The following ZSWIM5 variants were observed in gnomAD, a reference collection of about 807,000 sequenced individuals.
ZSWIM5 encodes zinc finger SWIM-type containing 5.
Under a neutral mutation model 119.6 loss-of-function variants are expected in ZSWIM5, and 55 were observed. The observed-to-expected ratio is 0.46, with a 90% CI of 0.37 to 0.58. The LOEUF is 0.58. ZSWIM5 is among the 20% of genes least tolerant of loss of function. The probability of loss-of-function intolerance (pLI) is 0.00; values close to 1 mark genes in which losing one functional copy is unlikely to be tolerated. For synonymous variants in ZSWIM5, 537 were observed against 606.9 expected (o/e 0.88, Z 1.69); for missense variants, 1,193 against 1,512.8 (o/e 0.79, Z 3.51).
chr1:45,110,879 C>G (rs1179956576), intron 1 of ZSWIM5, among the ~76,000 whole-genome samples: 1 of 152,038 alleles, frequency 6.6e-6, no homozygotes, highest in African/African-American at 2.4e-5. Flanking sequence ...CTTTTAAGCT[C>G]AGGATGAATG....
At chr1:45,051,287 T>C in intron 4 of ZSWIM5, 34 bp from the exon 5 acceptor site, 2 of 1,589,462 alleles carry the variant, frequency 1.3e-6, no homozygotes, top group Non-Finnish European at 1.7e-6. Context: ...TCTTAACATC[T>C]CTCCTTTGAT....
chr1:45,076,241 C>A (rs372155610), intron 2 of ZSWIM5, among the ~76,000 whole-genome samples: 2 of 152,184 alleles, frequency 1.3e-5, no homozygotes, highest in East Asian at 1.9e-4. Context: ...TCTTATTGTT[C>A]ATTAACATCC....
At chr1:45,143,792 T>C (rs976957997) in intron 1 of ZSWIM5, among the ~76,000 whole-genome samples, 20 of 152,208 alleles carry the variant, frequency 1.3e-4, no homozygotes, top group African/African-American at 4.6e-4. Flanking sequence ...AAAAGTGCAG[T>C]TAGCAAGGAC....
At chr1:45,119,155 C>G (rs1254046687) in intron 1 of ZSWIM5, among the ~76,000 whole-genome samples, 2 of 152,158 alleles carry the variant, frequency 1.3e-5, no homozygotes, top group Admixed American at 1.3e-4. Flanking sequence ...ACATGATTCT[C>G]TAGCACTTAC....
rs113160558 is a variant in ZSWIM5, at chr1:45,069,046, A to G, written c.953-8799T>C. Among the ~76,000 whole-genome samples, 1,244 of 151,664 alleles carry G rather than the reference A, an allele frequency of 8.2e-3. 18 individuals are homozygous for G. Among genetic ancestry groups the G allele is most frequent in the African/African-American group, 0.029 (1,194 of 41,360 alleles). On this transcript the variant is annotated intron_variant, in intron 2 of 13. Transcript: ENST00000359600. The stretch of plus-strand genomic sequence containing the variant: ...AGGCTGGTCTTGAACTCCTGGGCTC[A>G]TGCGATCCTCCTGCTTTGACCTCCC...
At chr1:45,193,861 T>C (rs1646105992) in intron 1 of ZSWIM5, among the ~76,000 whole-genome samples, 2 of 152,014 alleles carry the variant, frequency 1.3e-5, no homozygotes, top group African/African-American at 2.4e-5. Context: ...CTTTTACAGT[T>C]GAAAAAACTG....
chr1:45,035,659 G>A (rs1644978466), intron 10 of ZSWIM5, 29 bp downstream of exon 10: 1 of 1,608,490 alleles, frequency 6.2e-7, no homozygotes, highest in Non-Finnish European at 8.5e-7. Context: ...CTTTGGTGGA[G>A]GCAATTGGAC....
intron 1 of ZSWIM5, among the ~76,000 whole-genome samples, chr1:45,173,370 G>T (rs1645957580): frequency 6.6e-6 from 1 of 152,100 alleles, no homozygotes; most frequent in Admixed American, 6.6e-5. Flanking sequence ...GGCAAGAATG[G>T]ATGTTACTAA....
At chr1:45,179,868 T>A (rs139421828) in intron 1 of ZSWIM5, among the ~76,000 whole-genome samples, 1 of 152,196 alleles carries the variant, frequency 6.6e-6, no homozygotes, top group African/African-American at 2.4e-5. Context: ...ATAGTCCTTA[T>A]AAGAGGGAGG....
At chr1:45,073,791 G>T (rs781014947) in intron 2 of ZSWIM5, among the ~76,000 whole-genome samples, 1 of 151,800 alleles carries the variant, frequency 6.6e-6, no homozygotes, top group Non-Finnish European at 1.5e-5. Flanking sequence ...TGGTAACATG[G>T]GGCATCCTTG....
At chr1:45,175,134 G>A (rs1645971948) in intron 1 of ZSWIM5, among the ~76,000 whole-genome samples, 1 of 152,070 alleles carries the variant, frequency 6.6e-6, no homozygotes. Flanking sequence ...TGATACTTAC[G>A]AAGACTTCAG....
intron 1 of ZSWIM5, among the ~76,000 whole-genome samples, chr1:45,173,784 T>C (rs1317177826): frequency 6.6e-6 from 1 of 152,164 alleles, no homozygotes; most frequent in Non-Finnish European, 1.5e-5. Context: ...ATTGTTATTA[T>C]TGTTATGCAA....
At chr1:45,181,905 C>G (rs2149049184) in intron 1 of ZSWIM5, among the ~76,000 whole-genome samples, 1 of 152,166 alleles carries the variant, frequency 6.6e-6, no homozygotes, top group South Asian at 2.1e-4. Flanking sequence ...ACCACCAGGC[C>G]TGCCCTACAA....
chr1:45,124,069 T>G (rs1251760887), intron 1 of ZSWIM5, among the ~76,000 whole-genome samples: 1 of 151,764 alleles, frequency 6.6e-6, no homozygotes, highest in Non-Finnish European at 1.5e-5. Flanking sequence ...AATCAAGACA[T>G]TAAAACAAAT....
At chr1:45,097,255 GA>G (rs1421404293) in intron 1 of ZSWIM5, among the ~76,000 whole-genome samples, 1 of 152,170 alleles carries the variant, frequency 6.6e-6, no homozygotes, top group East Asian at 1.9e-4. Flanking sequence ...GGATTAAACA[GA>G]AAAGGACTAA....
chr1:45,092,430 G>A (rs1645372313), intron 1 of ZSWIM5, among the ~76,000 whole-genome samples: 1 of 151,666 alleles, frequency 6.6e-6, no homozygotes, highest in East Asian at 1.9e-4. Flanking sequence ...CCGAGTAGCT[G>A]GGATTACAGG....
In ZSWIM5 at chr1:45,176,262, TTCTTA is replaced by T. The variant is rs549975507; in HGVS notation, c.595+29489_595+29493del. ...ACCTTTTCTCCCTGGTCTTTATCTT[TTCTTA>T]TCTTATTTTATTTTTCAGACGGAGT... is the stretch of plus-strand genomic sequence containing the variant. On this transcript the variant is annotated intron_variant, in intron 1 of 13. Coordinates refer to ENST00000359600, the MANE Select transcript of ZSWIM5 (RefSeq NM_020883.2). 2.1e-3 allele frequency among the ~76,000 whole-genome samples: 317 copies of T among 151,824 alleles called. 3 individuals are homozygous for T. Among genetic ancestry groups the T allele is most frequent in the African/African-American group, 7.0e-3 (288 of 41,438 alleles).
chr1:45,018,760 A>G lies in ZSWIM5; in HGVS notation c.3252T>C (p.Thr1084=), dbSNP rs1644870205. 1 of 1,614,138 alleles carries G rather than the reference A, an allele frequency of 6.2e-7. No individual in the cohort carries two copies. Among genetic ancestry groups the G allele is most frequent in the Non-Finnish European group, 8.5e-7 (1 of 1,180,056 alleles). The part of the protein sequence containing the change: ...LSDILRRCTV[T]APGLAGIPGR... Reference sequence around the variant, plus strand: ...CTGGGATGCCGGCCAGGCCAGGTGCAGTCACTGTGCAGCGTCGTAAGATGT... The same window carrying G: ...CTGGGATGCCGGCCAGGCCAGGTGCGGTCACTGTGCAGCGTCGTAAGATGT... The change falls in exon 14 of 14, where the codon ACT becomes ACC. Residue 1084 remains threonine, a synonymous_variant. Coordinates refer to ENST00000359600, the MANE Select transcript of ZSWIM5 (RefSeq NM_020883.2). The surrounding 1 kb of genome is among the most constrained non-coding windows in gnomAD (Gnocchi z 6.7).
At chr1:45,025,118 C>T (rs1644914090) in intron 11 of ZSWIM5, among the ~76,000 whole-genome samples, 1 of 152,134 alleles carries the variant, frequency 6.6e-6, no homozygotes, top group African/African-American at 2.4e-5. Context: ...TCTTTTGCTC[C>T]TTTCTCAGTA....
Sources: gnomAD v4.1 joint callset for allele counts (sites outside exome capture counted in the v4.1 genomes callset) on GRCh38, gnomAD v4.1.1 for gene constraint, Gnocchi (gnomAD v3.1) non-coding constraint, MANE v1.5 for transcripts, NCBI Gene and HGNC (gene_info 2026-07-23, HGNC 2026-07-21) for gene names.